The following SLC66A3 variants were observed in gnomAD, a reference collection of about 807,000 sequenced individuals.
The protein encoded by SLC66A3 is PQ loop repeat containing 3.
A neutral mutation model predicts 25.5 loss-of-function variants in SLC66A3; 23 were observed. The ratio of observed to expected loss-of-function variants is 0.90; its 90% CI spans 0.65 to 1.28. The LOEUF (loss-of-function observed/expected upper bound fraction) is 1.28. Among genes scored for constraint, SLC66A3 ranks in the 50% most tolerant of loss-of-function variants. The probability of loss-of-function intolerance (pLI) is 0.00; values close to 1 mark genes in which losing one functional copy is unlikely to be tolerated. For missense variants in SLC66A3, 246 were observed against 262.1 expected (o/e 0.94, Z 0.42); for synonymous variants, 108 against 112.6 (o/e 0.96, Z 0.26).
At chr2:11,172,733 T>C (rs1270442772) in intron 5 of SLC66A3, 4 of 433,816 alleles carry the variant, frequency 9.2e-6, no homozygotes, top group South Asian at 6.7e-5. Flanking sequence ...AGACTTTCTT[T>C]CTTTTTTCCT....
chr2:11,170,053 G>A (rs548722756), intron 4 of SLC66A3, among the ~76,000 whole-genome samples: 90 of 152,138 alleles, frequency 5.9e-4, no homozygotes, highest in Non-Finnish European at 1.1e-3. Flanking sequence ...TGACCAGGAC[G>A]GTCTCGATCT....
At chr2:11,159,651 G>T (rs536491965) in intron 1 of SLC66A3, among the ~76,000 whole-genome samples, 1 of 152,290 alleles carries the variant, frequency 6.6e-6, no homozygotes, top group African/African-American at 2.4e-5. Flanking sequence ...AAGTCCCATG[G>T]TTCCGGCTCC....
chr2:11,169,837 CTTTTT>C (rs1186098636), intron 4 of SLC66A3, among the ~76,000 whole-genome samples: 2 of 89,046 alleles, frequency 2.2e-5, no homozygotes, highest in Non-Finnish European at 4.1e-5. Flanking sequence ...GGATTTCTCT[CTTTTT>C]TTTTTTTTTT....
chr2:11,155,626 C>T lies in SLC66A3; in HGVS notation c.80C>T (p.Ala27Val). The change falls in exon 1 of 7, where the codon GCT becomes GTT. Residue 27 changes from alanine to valine, a missense_variant. Around this residue, in one of 3 missense-constraint regions of SLC66A3, gnomAD observed 142 missense variants for 130.3 expected, o/e 1.09. Transcript: ENST00000295083. ...CAALKLPQIS[A>V]VLAARSARGL... ...GCGCTGAAGCTGCCGCAGATCTCCG[C>T]TGTGCTAGCGGCGCGCAGCGCGCGG... 1 of 1,529,058 alleles carries T rather than the reference C, an allele frequency of 6.5e-7. No homozygotes were observed. The highest frequency in any genetic ancestry group is 1.2e-5 in the South Asian group (1 of 82,876). The allele number at this position is 1,529,058 out of a possible 1,614,324, so 94.7% of individuals were successfully genotyped here. A position where few individuals can be genotyped will look rare whatever the true frequency, so the allele number is the denominator to read the frequency against.
intron 4 of SLC66A3, among the ~76,000 whole-genome samples, chr2:11,168,361 A>G (rs1662426978): frequency 6.6e-6 from 1 of 152,078 alleles, no homozygotes; most frequent in Non-Finnish European, 1.5e-5. Flanking sequence ...TGTTTTACAG[A>G]AAAACTTCAT....
intron 4 of SLC66A3, among the ~76,000 whole-genome samples, chr2:11,168,427 C>G (rs1409392293): frequency 1.3e-5 from 2 of 152,138 alleles, no homozygotes; most frequent in African/African-American, 4.8e-5. Context: ...GGGGCCCAAA[C>G]CAACACTACT....
rs569374536 is a variant in SLC66A3, at chr2:11,159,235, G to A, written c.144-1231G>A. On this transcript the variant is annotated intron_variant, in intron 1 of 6. Transcript: ENST00000295083. ...TGTGGCCCCACAGAGGGGCTGGGGT[G>A]CAGCCTCCCCCTCTGCCAGCCCCCC... Among the ~76,000 whole-genome samples the A allele has an allele frequency of 1.1e-3, 172 of 152,300 alleles. 2 individuals carry two copies. The highest frequency in any genetic ancestry group is 4.1e-3 in the African/African-American group (170 of 41,566).
At chr2:11,174,111 C>A (rs1662647772) in intron 5 of SLC66A3, among the ~76,000 whole-genome samples, 1 of 152,024 alleles carries the variant, frequency 6.6e-6, no homozygotes, top group Non-Finnish European at 1.5e-5. Context: ...GTGCCCGCCA[C>A]CACACCCAGC....
At chr2:11,177,114 A>G (rs1294390336) in intron 6 of SLC66A3, among the ~76,000 whole-genome samples, 2 of 152,160 alleles carry the variant, frequency 1.3e-5, no homozygotes, top group Non-Finnish European at 2.9e-5. Context: ...GAACGTTCTG[A>G]GACAGCAGCA....
At chr2:11,177,630 T>G (rs34947693) in intron 6 of SLC66A3, 107 bp from the exon 7 acceptor site, 16,057 of 656,926 alleles carry the variant, frequency 0.024, 266 homozygotes, top group Non-Finnish European at 0.03. Context: ...AATTGTTCAT[T>G]TCGGAGGTTG....
intron 4 of SLC66A3, among the ~76,000 whole-genome samples, chr2:11,170,374 C>T (rs1003813700): frequency 4.6e-5 from 7 of 152,164 alleles, no homozygotes; most frequent in Non-Finnish European, 1.0e-4. Flanking sequence ...GCTGGCAGGG[C>T]TGGTGGTGGT....
chr2:11,156,542 G>T (rs932588308), intron 1 of SLC66A3, among the ~76,000 whole-genome samples: 3 of 152,172 alleles, frequency 2.0e-5, no homozygotes, highest in Admixed American at 6.5e-5. Flanking sequence ...GCGGGGTGGG[G>T]GGTGCGGCAT....
At chr2:11,175,105 C>T (rs911226235) in intron 6 of SLC66A3, 96 bp downstream of exon 6, 14 of 890,048 alleles carry the variant, frequency 1.6e-5, no homozygotes, top group Non-Finnish European at 2.3e-5. Context: ...ATGGACTTGG[C>T]TCTGTTGGAT....
chr2:11,171,994 T>G lies in SLC66A3; in HGVS notation c.424T>G (p.Ser142Ala). The G allele has an allele frequency of 6.2e-7, 1 of 1,614,070 alleles. No individual in the cohort carries two copies. Among genetic ancestry groups the G allele is most frequent in the Non-Finnish European group, 8.5e-7 (1 of 1,179,966 alleles). Residue 142 changes from serine (S) to alanine (A), a missense_variant, in exon 5 of 7, where the codon TCA (serine) becomes GCA (alanine). By Grantham distance (99) the Ser-to-Ala change is moderately conservative. Coordinates refer to ENST00000295083, the MANE Select transcript of SLC66A3 (RefSeq NM_152391.5). ...CCAGTGTCTGTGGAAGACGAGAGAC[T>G]CAGGAACTGTGAGTGCGCTGACTTG... Reference protein sequence around the residue: ...QLQCLWKTRDSGTVSALTWSL... With the variant: ...QLQCLWKTRDAGTVSALTWSL...
chr2:11,169,455 C>T (rs1363134966), intron 4 of SLC66A3, among the ~76,000 whole-genome samples: 3 of 152,132 alleles, frequency 2.0e-5, no homozygotes, highest in Non-Finnish European at 2.9e-5. Flanking sequence ...GGCCAGTTCT[C>T]ATTCCTCTTC....
chr2:11,165,500 C>T (rs576821079), intron 4 of SLC66A3, among the ~76,000 whole-genome samples: 43 of 150,644 alleles, frequency 2.9e-4, no homozygotes, highest in African/African-American at 1.0e-3. Flanking sequence ...AGACGATGGG[C>T]GACCGGGCAG....
intron 3 of SLC66A3, 99 bp downstream of exon 3, chr2:11,160,793 G>C: frequency 6.8e-7 from 1 of 1,469,000 alleles, no homozygotes; most frequent in Non-Finnish European, 8.9e-7. Flanking sequence ...TGTATTTTTT[G>C]GTTAAACTAA....
intron 3 of SLC66A3, 161 bp downstream of exon 3, chr2:11,160,855 A>G (rs1025727626): frequency 3.7e-5 from 44 of 1,195,530 alleles, no homozygotes; most frequent in Middle Eastern, 4.8e-4. Flanking sequence ...TACACCAGAG[A>G]TGCCCTCAGT....
chr2:11,165,250 C>T (rs1004926347), intron 4 of SLC66A3, among the ~76,000 whole-genome samples: 1 of 138,446 alleles, frequency 7.2e-6, no homozygotes, highest in Non-Finnish European at 1.6e-5. Context: ...CGTAGGGGCT[C>T]CTCACTTCTC....
Sources: allele counts gnomAD v4.1 joint callset (sites outside exome capture counted in the v4.1 genomes callset), GRCh38; gene constraint gnomAD v4.1.1; regional missense constraint gnomAD v4.1.1; transcripts MANE v1.5; gene names NCBI Gene and HGNC (gene_info 2026-07-23, HGNC 2026-07-21).